Variants in CHMP2B observed in about 807,000 individuals in gnomAD.
CHMP2B encodes VPS2 homolog B.
CHMP2B carries 22 observed loss-of-function variants against 29.8 expected under a neutral mutation model. The observed-to-expected ratio is 0.74, with a 90% CI of 0.53 to 1.05. CHMP2B has a LOEUF of 1.05. Ranked by LOEUF, CHMP2B falls within the 50% of genes least tolerant of loss-of-function variation. The pLI is 0.00. For synonymous variants in CHMP2B, 78 were observed against 75.8 expected (o/e 1.03, Z -0.15); for missense variants, 261 against 252.2 (o/e 1.03, Z -0.24).
At chr3:87,243,296 T>A (rs975730231) in intron 2 of CHMP2B, among the ~76,000 whole-genome samples, 4 of 152,204 alleles carry the variant, frequency 2.6e-5, no homozygotes, top group Admixed American at 1.3e-4. Flanking sequence ...GTATTTTTTT[T>A]AATGTATTTT....
At chr3:87,250,888 A>T (rs926646129) in intron 4 of CHMP2B, among the ~76,000 whole-genome samples, 4 of 151,934 alleles carry the variant, frequency 2.6e-5, no homozygotes, top group Non-Finnish European at 5.9e-5. Flanking sequence ...TTTCACCAAT[A>T]ATGAATGACC....
At chr3:87,250,747 T>C (rs1706301749) in intron 4 of CHMP2B, among the ~76,000 whole-genome samples, 1 of 151,942 alleles carries the variant, frequency 6.6e-6, no homozygotes, top group Admixed American at 6.6e-5. Context: ...TTAACGTGTT[T>C]GATAATCCTT....
At chr3:87,253,023 C>T in intron 4 of CHMP2B, 1 of 180,760 alleles carries the variant, frequency 5.5e-6, no homozygotes, top group Admixed American at 5.8e-5. Flanking sequence ...AATCGTTTTC[C>T]AGATATTAAC....
intron 3 of CHMP2B, among the ~76,000 whole-genome samples, chr3:87,247,125 C>G (rs75462010): frequency 1.3e-5 from 2 of 152,130 alleles, no homozygotes; most frequent in African/African-American, 4.8e-5. Flanking sequence ...CCCATGAAGT[C>G]GGGAACACTG....
intron 5 of CHMP2B, 68 bp from the exon 6 acceptor site, chr3:87,253,644 G>A: frequency 7.0e-7 from 1 of 1,424,424 alleles, no homozygotes; most frequent in East Asian, 2.3e-5. Context: ...CCTCTTTACA[G>A]CACATCCTGT....
Position 87,249,856 on chromosome 3 carries a change from C to T in CHMP2B, c.322-19C>T. 6.8e-7 allele frequency: 1 copy of T among 1,469,000 alleles called. No individual in the cohort carries two copies. The highest frequency in any genetic ancestry group is 1.2e-5 in the South Asian group (1 of 86,074). The allele number at this position is 1,469,000 out of a possible 1,614,324, so 91.0% of individuals were successfully genotyped here. ...TCATAATTATGGAAGTAACATGAAT[C>T]TTGTAAATACATTTAAAGACAATGC... On this transcript the variant is annotated intron_variant, in intron 3 of 5. Coordinates refer to ENST00000263780, the MANE Select transcript of CHMP2B (RefSeq NM_014043.4).
At chr3:87,239,138 A>C (rs1706069132) in intron 1 of CHMP2B, among the ~76,000 whole-genome samples, 1 of 152,056 alleles carries the variant, frequency 6.6e-6, no homozygotes, top group African/African-American at 2.4e-5. Flanking sequence ...TCGTTTCTTG[A>C]GTTATAAGAA....
In CHMP2B at chr3:87,227,537, CAAG is replaced by C; in HGVS notation, c.21_23del (p.Lys8del). On this transcript the variant is annotated inframe_deletion, in exon 1 of 6. Coordinates refer to ENST00000263780, the MANE Select transcript of CHMP2B (RefSeq NM_014043.4). ...AGTCTTTAACCATGGCGTCCCTCTT[CAAG>C]AAGAAAACCGTGGATGGTGAGTTCC... The C allele has an allele frequency of 6.2e-7, 1 of 1,614,188 alleles. No individual in the cohort carries two copies. Among genetic ancestry groups the C allele is most frequent in the Non-Finnish European group, 8.5e-7 (1 of 1,180,030 alleles).
Position 87,236,293 on chromosome 3 carries a change from A to G in CHMP2B, c.35-4406A>G, listed in dbSNP as rs73847813. Among the ~76,000 whole-genome samples, 1,484 of 152,260 alleles carry G rather than the reference A, an allele frequency of 9.7e-3. 25 individuals are homozygous for G. The highest frequency in any genetic ancestry group is 0.034 in the African/African-American group (1,413 of 41,538). On this transcript the variant is annotated intron_variant, in intron 1 of 5. Transcript: ENST00000263780. ...ACCCCATATACTCAGATATGGTACA[A>G]AGAAGCTTGTTGTGAATAACAAAAG...
At chr3:87,244,684 T>C (rs1318866829) in intron 2 of CHMP2B, among the ~76,000 whole-genome samples, 5 of 152,194 alleles carry the variant, frequency 3.3e-5, no homozygotes, top group Non-Finnish European at 7.3e-5. Context: ...GAGCATACTT[T>C]GTGTGATTCC....
Position 87,255,546 on chromosome 3 carries a change from A to G in CHMP2B, c.*1724A>G, listed in dbSNP as rs1706391635. The G allele has an allele frequency of 6.6e-6, 1 of 151,952 alleles. No homozygotes were observed. The highest frequency in any genetic ancestry group is 1.5e-5 in the Non-Finnish European group (1 of 67,818). 9.4% of individuals were successfully genotyped at this position (151,952 alleles called of 1,614,324 possible). ...CCTGCTAAAATTAAAAATTTTATGC[A>G]TATTTGGTAATTTTTCAAAAGAATG... is the stretch of plus-strand genomic sequence containing the variant. On this transcript the variant is annotated 3_prime_UTR_variant, in exon 6 of 6. Coordinates refer to ENST00000263780, the MANE Select transcript of CHMP2B (RefSeq NM_014043.4).
chr3:87,252,118 A>T (rs371244670), intron 4 of CHMP2B, among the ~76,000 whole-genome samples: 26 of 152,032 alleles, frequency 1.7e-4, no homozygotes, highest in African/African-American at 6.3e-4. Flanking sequence ...ATGACTGACT[A>T]CCTTATGTGA....
At chr3:87,247,568 G>A (rs887661229) in intron 3 of CHMP2B, among the ~76,000 whole-genome samples, 2 of 152,194 alleles carry the variant, frequency 1.3e-5, no homozygotes, top group African/African-American at 2.4e-5. Flanking sequence ...AAATGTGCAT[G>A]TTGGGTGACT....
intron 1 of CHMP2B, among the ~76,000 whole-genome samples, chr3:87,235,209 G>T (rs1705979842): frequency 6.6e-6 from 1 of 152,112 alleles, no homozygotes; most frequent in Non-Finnish European, 1.5e-5. Flanking sequence ...AAATCTAGTG[G>T]ATAATAAATT....
chr3:87,250,347 T>A (rs1025390076), intron 4 of CHMP2B, among the ~76,000 whole-genome samples: 6 of 152,010 alleles, frequency 3.9e-5, no homozygotes, highest in Non-Finnish European at 7.4e-5. Flanking sequence ...TCTCACTTTT[T>A]TTCCCTCTCA....
chr3:87,246,161 G>A (rs1477150540), intron 3 of CHMP2B, among the ~76,000 whole-genome samples: 1 of 150,146 alleles, frequency 6.7e-6, no homozygotes, highest in Non-Finnish European at 1.5e-5. Flanking sequence ...TTTTTGAGAT[G>A]GAGTCTTGCT....
chr3:87,238,863 A>G (rs1298492016), intron 1 of CHMP2B, among the ~76,000 whole-genome samples: 1 of 152,190 alleles, frequency 6.6e-6, no homozygotes. Context: ...TTGAGGAATC[A>G]CCAAACTGTT....
intron 4 of CHMP2B, 132 bp downstream of exon 4, chr3:87,250,109 T>C (rs1706288440): frequency 1.7e-6 from 1 of 584,322 alleles, no homozygotes; most frequent in Non-Finnish European, 3.1e-6. Flanking sequence ...CAAAATTCTA[T>C]TTGTATTTAA....
At chr3:87,232,189 C>G (rs1175176011) in intron 1 of CHMP2B, among the ~76,000 whole-genome samples, 2 of 152,090 alleles carry the variant, frequency 1.3e-5, no homozygotes, top group African/African-American at 4.8e-5. Context: ...AGCTTCTTGG[C>G]TTTTGCCTCA....
Sources: gnomAD v4.1 joint callset for allele counts (sites outside exome capture counted in the v4.1 genomes callset) on GRCh38, gnomAD v4.1.1 for gene constraint, MANE v1.5 for transcripts, NCBI Gene and HGNC (gene_info 2026-07-23, HGNC 2026-07-21) for gene names.